Variants in STAG1 observed in about 807,000 individuals in gnomAD.
STAG1 encodes cohesin subunit SA-1.
Under a neutral mutation model 170.9 loss-of-function variants are expected in STAG1, and 26 were observed. The ratio of observed to expected loss-of-function variants is 0.15; its 90% CI spans 0.11 to 0.21. The LOEUF (loss-of-function observed/expected upper bound fraction) is 0.21. Among genes scored for constraint, STAG1 ranks in the 10% least tolerant of loss-of-function variants. STAG1 has a pLI of 1.00. For synonymous variants in STAG1, 514 were observed against 497.7 expected (o/e 1.03, Z -0.44); for missense variants, 964 against 1,509.5 (o/e 0.64, Z 5.99).
intron 12 of STAG1, among the ~76,000 whole-genome samples, chr3:136,471,743 T>C (rs1559824401): frequency 6.6e-6 from 1 of 152,226 alleles, no homozygotes; most frequent in South Asian, 2.1e-4. Context: ...TTAATTGCTT[T>C]ATTTTTTTCT....
At chr3:136,475,005 G>A (rs1203602313) in intron 10 of STAG1, among the ~76,000 whole-genome samples, 2 of 151,974 alleles carry the variant, frequency 1.3e-5, no homozygotes, top group Admixed American at 6.6e-5. Context: ...TTCTGTACAG[G>A]ATACCCTCTA....
At chr3:136,449,232 C>A (rs1417640205) in intron 14 of STAG1, among the ~76,000 whole-genome samples, 1 of 152,004 alleles carries the variant, frequency 6.6e-6, no homozygotes, top group Non-Finnish European at 1.5e-5. Flanking sequence ...AGAAACCTTT[C>A]AATACTATTT....
At chr3:136,495,498 C>G (rs1933029416) in intron 9 of STAG1, among the ~76,000 whole-genome samples, 1 of 152,138 alleles carries the variant, frequency 6.6e-6, no homozygotes, top group Non-Finnish European at 1.5e-5. Context: ...TGAAAAAAAG[C>G]TATACATCTG....
intron 5 of STAG1, among the ~76,000 whole-genome samples, chr3:136,546,314 C>T (rs1034448993): frequency 3.9e-5 from 6 of 152,178 alleles, no homozygotes; most frequent in African/African-American, 1.4e-4. Flanking sequence ...GGCAGGGTTT[C>T]TTGACCTGTG....
chr3:136,479,155 C>T (rs868557583), intron 9 of STAG1, among the ~76,000 whole-genome samples: 2 of 146,364 alleles, frequency 1.4e-5, no homozygotes, highest in South Asian at 2.2e-4. Context: ...TATACATGTG[C>T]CATGCTGGTG....
intron 21 of STAG1, among the ~76,000 whole-genome samples, chr3:136,402,184 T>A (rs1434983864): frequency 6.6e-6 from 1 of 151,978 alleles, no homozygotes; most frequent in Non-Finnish European, 1.5e-5. Flanking sequence ...CAGGAACTAG[T>A]TGAGAGTTAG....
intron 26 of STAG1, 67 bp downstream of exon 26, chr3:136,363,299 T>C (rs1936947626): frequency 2.5e-6 from 2 of 806,184 alleles, no homozygotes; most frequent in Non-Finnish European, 4.1e-6. Flanking sequence ...ACCTAGCAAA[T>C]ATTAAGCACA....
chr3:136,477,953 G>A (rs1296568827), intron 9 of STAG1, among the ~76,000 whole-genome samples: 1 of 151,956 alleles, frequency 6.6e-6, no homozygotes, highest in Non-Finnish European at 1.5e-5. Flanking sequence ...CCACACCTGA[G>A]TAATTTTTGT....
chr3:136,519,576 A>G (rs1387824807), intron 7 of STAG1, among the ~76,000 whole-genome samples: 1 of 152,020 alleles, frequency 6.6e-6, no homozygotes, highest in Non-Finnish European at 1.5e-5. Context: ...GCATGTGACA[A>G]TCAAGTAAAT....
intron 1 of STAG1, among the ~76,000 whole-genome samples, chr3:136,708,540 G>C (rs1433478525): frequency 1.3e-5 from 2 of 152,014 alleles, no homozygotes; most frequent in Admixed American, 6.6e-5. Flanking sequence ...TTTGAAACTA[G>C]AGATGATTGC....
chr3:136,396,094 G>A (rs931586402), intron 22 of STAG1, among the ~76,000 whole-genome samples: 3 of 151,938 alleles, frequency 2.0e-5, no homozygotes, highest in Non-Finnish European at 4.4e-5. Context: ...TAGAGACAGG[G>A]TTTCATCACG....
intron 22 of STAG1, among the ~76,000 whole-genome samples, chr3:136,391,462 C>T (rs576643406): frequency 7.3e-5 from 11 of 151,486 alleles, no homozygotes; most frequent in Admixed American, 2.0e-4. Flanking sequence ...CTGCAACCTC[C>T]GCCTCCTGGG....
chr3:136,426,885 G>A (rs1456874657), intron 16 of STAG1, among the ~76,000 whole-genome samples: 8 of 152,132 alleles, frequency 5.3e-5, no homozygotes, highest in Non-Finnish European at 1.5e-5. Context: ...TGGCTAACAC[G>A]GTGAAACCCT....
At chr3:136,464,199 G>A (rs61789652) in intron 13 of STAG1, among the ~76,000 whole-genome samples, 6,659 of 151,806 alleles carry the variant, frequency 0.044, 174 homozygotes, top group East Asian at 0.13. Flanking sequence ...TGAGGCGGGC[G>A]GATTACCTGA....
intron 13 of STAG1, among the ~76,000 whole-genome samples, chr3:136,461,945 G>T (rs1268454891): frequency 6.6e-6 from 1 of 151,998 alleles, no homozygotes; most frequent in Non-Finnish European, 1.5e-5. Flanking sequence ...TATACAAAAA[G>T]TGCTCTCATT....
intron 15 of STAG1, among the ~76,000 whole-genome samples, chr3:136,439,996 T>C (rs1420459035): frequency 6.6e-6 from 1 of 152,180 alleles, no homozygotes; most frequent in Admixed American, 6.5e-5. Context: ...AGTATATATT[T>C]TAACAAGTAA....
At chr3:136,476,668 T>C (rs2089758487) in intron 10 of STAG1, among the ~76,000 whole-genome samples, 1 of 152,180 alleles carries the variant, frequency 6.6e-6, no homozygotes, top group Non-Finnish European at 1.5e-5. Flanking sequence ...AAAATTCCAG[T>C]TGCTTTTATG....
intron 22 of STAG1, among the ~76,000 whole-genome samples, chr3:136,393,266 T>A (rs1018105285): frequency 4.0e-4 from 61 of 152,144 alleles, no homozygotes; most frequent in Non-Finnish European, 1.8e-4. Context: ...AAAAAATGGA[T>A]AGAGTTTTAG....
intron 21 of STAG1, among the ~76,000 whole-genome samples, chr3:136,400,323 G>GT (rs1282374287): frequency 3.3e-5 from 5 of 151,994 alleles, no homozygotes; most frequent in Non-Finnish European, 7.4e-5. Context: ...CACCTACCGG[G>GT]TTCAAACAAT....
Sources: allele counts gnomAD v4.1 joint callset (sites outside exome capture counted in the v4.1 genomes callset), GRCh38; gene constraint gnomAD v4.1.1; transcripts MANE v1.5; gene names NCBI Gene and HGNC (gene_info 2026-07-23, HGNC 2026-07-21).